The following MYO18A variants were observed in gnomAD, a reference collection of about 807,000 sequenced individuals.
The protein encoded by MYO18A is myosin XVIIIA, also known as unconventional myosin-XVIIIa.
MYO18A carries 78 observed loss-of-function variants against 235.8 expected under a neutral mutation model. The observed-to-expected ratio is 0.33, with a 90% CI of 0.28 to 0.40. The LOEUF is 0.40. Among genes scored for constraint, MYO18A ranks in the 10% least tolerant of loss-of-function variants. The probability of loss-of-function intolerance (pLI) is 1.00; values close to 1 mark genes in which losing one functional copy is unlikely to be tolerated. For missense variants in MYO18A, 2,215 were observed against 2,699.3 expected, an observed-to-expected ratio of 0.82 and a Z score of 3.98; for synonymous variants, 977 against 1,077.8, an observed-to-expected ratio of 0.91 and a Z score of 1.83.
chr17:29,137,045 A>C (rs2067620851), intron 2 of MYO18A: 1 of 152,216 alleles, frequency 6.6e-6, no homozygotes. Context: ...AAGGCACTTC[A>C]TACAGGTCTC....
chr17:29,083,536 A>G (rs531301430), intron 40 of MYO18A, among the ~76,000 whole-genome samples: 62 of 151,294 alleles, frequency 4.1e-4, no homozygotes, highest in African/African-American at 1.4e-3. Flanking sequence ...GCGCGCGCAC[A>G]CACACACACA....
At chr17:29,087,329 G>A (rs2066280699) in intron 37 of MYO18A, among the ~76,000 whole-genome samples, 2 of 152,174 alleles carry the variant, frequency 1.3e-5, no homozygotes, top group South Asian at 4.1e-4. Flanking sequence ...GGTCTTCTGA[G>A]GATGAATAAG....
In MYO18A at chr17:29,074,166, A is replaced by C. The variant is rs761678645; in HGVS notation, c.*604T>G. ...GCGTCTCCAGCTGCACAGAGAAAGG[A>C]CTGCTCTCTGAAGGGTGAAGATGGA... is the stretch of plus-strand genomic sequence containing the variant. On this transcript the variant is annotated 3_prime_UTR_variant, in exon 42 of 42. Coordinates refer to ENST00000527372, the MANE Select transcript of MYO18A (RefSeq NM_078471.4). The surrounding 1 kb of genome is among the most constrained non-coding windows in gnomAD (Gnocchi z 4.4). 2 of 1,612,396 alleles carry C rather than the reference A, an allele frequency of 1.2e-6. No individual in the cohort carries two copies. Among genetic ancestry groups the C allele is most frequent in the East Asian group, 4.5e-5 (2 of 44,848 alleles).
At chr17:29,089,586 GAGAAC>G (rs2066345789) in intron 37 of MYO18A, among the ~76,000 whole-genome samples, 1 of 152,044 alleles carries the variant, frequency 6.6e-6, no homozygotes, top group Non-Finnish European at 1.5e-5. Flanking sequence ...GGGCAGATGA[GAGAAC>G]AGATTCCAGC....
At chr17:29,133,789 C>T in intron 2 of MYO18A, 1 of 1,289,202 alleles carries the variant, frequency 7.8e-7, no homozygotes, top group Non-Finnish European at 1.0e-6. Flanking sequence ...ATTTTAAAAT[C>T]CAACTTTCCT....
At chr17:29,103,569 GC>G (rs779227828) in intron 21 of MYO18A, 29 bp downstream of exon 21, 149 of 1,612,372 alleles carry the variant, frequency 9.2e-5, no homozygotes, top group Middle Eastern at 1.7e-4. Flanking sequence ...CTGGAGTGAG[GC>G]CCGACTGCCC....
chr17:29,108,619 G>T (rs570989230), intron 19 of MYO18A, among the ~76,000 whole-genome samples: 1 of 152,210 alleles, frequency 6.6e-6, no homozygotes, highest in Non-Finnish European at 1.5e-5. Flanking sequence ...CAGCAATGAC[G>T]GGCTAGCTGG....
rs138010799 is a variant in MYO18A at position 29,090,691 on chromosome 17, G to C, written c.5305-76C>G. On this transcript the variant is annotated intron_variant, in intron 35 of 41. Transcript: ENST00000527372. ...CCAGCCCAGCCCAGCTGGAACACCA[G>C]GGGACCGAGGTTCCCACTCCATCAC... 9.3e-5 allele frequency: 145 copies of C among 1,551,102 alleles called. No homozygotes were observed. The African/African-American group carries it at 1.8e-3, about 19-fold the overall frequency.
chr17:29,102,075 T>G (rs1255335193), intron 21 of MYO18A, among the ~76,000 whole-genome samples: 1 of 152,142 alleles, frequency 6.6e-6, no homozygotes, highest in Non-Finnish European at 1.5e-5. Context: ...ACCTGAACTT[T>G]CTTTCCCAAA....
At chr17:29,143,489 G>T (rs973154005) in intron 2 of MYO18A, among the ~76,000 whole-genome samples, 1 of 142,302 alleles carries the variant, frequency 7.0e-6, no homozygotes, top group African/African-American at 2.7e-5. Context: ...CAATCCACCT[G>T]CCTCAGCCTC....
rs778130716 is a variant in MYO18A at position 29,111,591 on chromosome 17, T to G, written c.2741-8A>C. ...GCAGAAGGGGGCTTTGGCCTGATGG[T>G]GGGAGAAGCAAGATTTAGGTCGTCA... is the stretch of plus-strand genomic sequence containing the variant. On this transcript the variant is annotated splice_polypyrimidine_tract_variant and splice_region_variant and intron_variant, in intron 16 of 41. Transcript: ENST00000527372. The surrounding 1 kb of genome is among the most constrained non-coding windows in gnomAD (Gnocchi z 5.1). 2.5e-6 allele frequency: 4 copies of G among 1,613,574 alleles called. No homozygotes were observed. The African/African-American group carries it at 5.3e-5, about 22-fold the overall frequency.
chr17:29,083,482 T>C (rs538383294), intron 40 of MYO18A, among the ~76,000 whole-genome samples: 6 of 141,258 alleles, frequency 4.2e-5, no homozygotes, highest in Admixed American at 3.6e-4. Flanking sequence ...GCTCCATTCC[T>C]GAATTATGTT....
At chr17:29,093,741 C>T (rs1421779045) in intron 31 of MYO18A, among the ~76,000 whole-genome samples, 4 of 152,090 alleles carry the variant, frequency 2.6e-5, no homozygotes, top group African/African-American at 9.7e-5. Context: ...ACAGCAGGGG[C>T]ACAGGGGGCT....
intron 27 of MYO18A, 107 bp from the exon 28 acceptor site, chr17:29,097,022 G>A: frequency 1.4e-6 from 2 of 1,407,064 alleles, no homozygotes; most frequent in Non-Finnish European, 9.4e-7. Flanking sequence ...GATGCAGGAG[G>A]AAGTCGGGTC....
rs191048954 is a variant in MYO18A at position 29,090,632 on chromosome 17, A to T, written c.5305-17T>A. On this transcript the variant is annotated splice_polypyrimidine_tract_variant and intron_variant, in intron 35 of 41. Transcript: ENST00000527372. ...CCGGGAAGCCTGGGAAAGGAATGAG[A>T]GCATCAGAAGCAGGATCCCCCATAA... is the stretch of plus-strand genomic sequence containing the variant. 6.3e-7 allele frequency: 1 copy of T among 1,591,786 alleles called. No homozygotes were observed. Among genetic ancestry groups the T allele is most frequent in the East Asian group, 2.3e-5 (1 of 44,110 alleles).
chr17:29,107,184 G>T lies in MYO18A; in HGVS notation c.3337C>A (p.Pro1113Thr). 6.2e-7 allele frequency: 1 copy of T among 1,613,934 alleles called. No homozygotes were observed. Residue 1113 changes from proline to threonine, a missense_variant, in exon 20 of 42, where the codon CCT (proline) becomes ACT (threonine). Transcript: ENST00000527372. The stretch of plus-strand genomic sequence containing the variant: ...AACTCGGAAAACACCATGTGGTCAG[G>T]GTAACCTAGAGAGAGCAGCCCAGAG... The part of the protein sequence containing the change: ...DAMRMYRQGY[P>T]DHMVFSEFRR...
intron 22 of MYO18A, 94 bp from the exon 23 acceptor site, chr17:29,099,063 A>G (rs1190514932): frequency 1.6e-5 from 24 of 1,506,404 alleles, no homozygotes; most frequent in Non-Finnish European, 2.2e-5. Flanking sequence ...ACAGGCCCCC[A>G]GGGCTGCTCC....
intron 2 of MYO18A, among the ~76,000 whole-genome samples, chr17:29,139,226 A>G (rs1431265383): frequency 1.3e-5 from 2 of 152,148 alleles, no homozygotes; most frequent in African/African-American, 2.4e-5. Context: ...TCCTCCTCCA[A>G]CGACTGAACC....
intron 2 of MYO18A, among the ~76,000 whole-genome samples, chr17:29,134,342 T>C (rs1213592118): frequency 1.3e-5 from 2 of 151,874 alleles, no homozygotes; most frequent in Non-Finnish European, 2.9e-5. Context: ...CTTGGCGTCC[T>C]AAAGTGCTGG....
Sources: gnomAD v4.1 joint callset for allele counts (sites outside exome capture counted in the v4.1 genomes callset) on GRCh38, gnomAD v4.1.1 for gene constraint, Gnocchi (gnomAD v3.1) non-coding constraint, MANE v1.5 for transcripts, NCBI Gene and HGNC (gene_info 2026-07-23, HGNC 2026-07-21) for gene names.